The following RHOT1 variants were observed in gnomAD, a reference collection of about 807,000 sequenced individuals.
RHOT1 encodes mitochondrial Rho GTPase 1.
In RHOT1, 27 loss-of-function variants were observed where a neutral mutation model predicts 95.3. The observed-to-expected ratio is 0.28, with a 90% CI of 0.21 to 0.39. The LOEUF (loss-of-function observed/expected upper bound fraction) is 0.39. Among genes scored for constraint, RHOT1 ranks in the 10% least tolerant of loss-of-function variants. RHOT1 has a pLI of 1.00. For missense variants in RHOT1, 578 were observed against 786.7 expected (o/e 0.73, Z 3.17); for synonymous variants, 227 against 263.5 (o/e 0.86, Z 1.34).
chr17:32,150,885 A>G (rs2032194614), intron 1 of RHOT1: 1 of 1,543,928 alleles, frequency 6.5e-7, no homozygotes, highest in Non-Finnish European at 8.9e-7. Flanking sequence ...AAGCATAAGC[A>G]CTGGGGGATG....
chr17:32,204,978 G>A (rs1348834683), intron 16 of RHOT1, among the ~76,000 whole-genome samples: 7 of 145,376 alleles, frequency 4.8e-5, no homozygotes, highest in East Asian at 4.0e-4. Flanking sequence ...GTGAGACTCC[G>A]TCTCAAAAAA....
At chr17:32,186,019 G>A (rs2036020276) in intron 8 of RHOT1, among the ~76,000 whole-genome samples, 1 of 152,086 alleles carries the variant, frequency 6.6e-6, no homozygotes, top group Admixed American at 6.6e-5. Flanking sequence ...AACACTCCTG[G>A]CCTGTTTTAA....
At chr17:32,178,308 C>T (rs956712972) in intron 6 of RHOT1, among the ~76,000 whole-genome samples, 1 of 151,856 alleles carries the variant, frequency 6.6e-6, no homozygotes, top group Non-Finnish European at 1.5e-5. Context: ...TCTCCTGCCT[C>T]GGCCTACCGA....
intron 16 of RHOT1, 142 bp from the exon 17 acceptor site, chr17:32,206,768 A>C (rs1030152531): frequency 1.7e-5 from 11 of 653,800 alleles, no homozygotes; most frequent in Middle Eastern, 4.3e-4. Flanking sequence ...TATACTTTCT[A>C]CTTTTAAAAC....
At chr17:32,186,618 G>T (rs113179235) in intron 8 of RHOT1, among the ~76,000 whole-genome samples, 5,190 of 152,004 alleles carry the variant, frequency 0.034, 296 homozygotes, top group African/African-American at 0.12. Flanking sequence ...GCCCGCCTCG[G>T]CCCCCCAAAG....
intron 8 of RHOT1, among the ~76,000 whole-genome samples, chr17:32,189,304 G>GA (rs1465988731): frequency 6.6e-5 from 10 of 151,790 alleles, no homozygotes; most frequent in Admixed American, 2.0e-4. Context: ...CCCACCTCAA[G>GA]AAAAAAACAA....
At chr17:32,143,459 G>T (rs1374209981) in intron 1 of RHOT1, among the ~76,000 whole-genome samples, 1 of 152,136 alleles carries the variant, frequency 6.6e-6, no homozygotes, top group Non-Finnish European at 1.5e-5. Context: ...TCTGGGGAGG[G>T]TCCAATTGTT....
At position 32,173,891 on chromosome 17, in the gene RHOT1, A is replaced by G; in HGVS notation, c.157A>G (p.Thr53Ala). The G allele has an allele frequency of 6.2e-7, 1 of 1,610,682 alleles. No homozygotes were observed. The change falls in exon 3 of 20, where the codon ACA (threonine) becomes GCA (alanine). Residue 53 changes from threonine (T) to alanine (A), a missense_variant. By Grantham distance (58) the Thr-to-Ala change is moderately conservative. Coordinates refer to ENST00000545287, the MANE Select transcript of RHOT1 (RefSeq NM_001033566.3). Reference protein sequence around the residue: ...PADVTPERVPTHIVDYSEAEQ... With the variant: ...PADVTPERVPAHIVDYSEAEQ... The stretch of plus-strand genomic sequence containing the variant: ...TGATGTCACCCCAGAGAGAGTTCCA[A>G]CACACATTGTAGATTACTCAGGTAA...
At chr17:32,217,927 A>G (rs1465284576) in intron 19 of RHOT1, among the ~76,000 whole-genome samples, 1 of 151,532 alleles carries the variant, frequency 6.6e-6, no homozygotes, top group Non-Finnish European at 1.5e-5. Context: ...CAGTGGCCCT[A>G]TCTCAGCTCA....
chr17:32,173,878 A>G lies in RHOT1; in HGVS notation c.144A>G (p.Pro48=), dbSNP rs768187258. Residue 48 remains proline (P), a synonymous_variant, in exon 3 of 20, where the codon CCA becomes CCG. Transcript: ENST00000545287. ...TCACCATTCCAGCTGATGTCACCCC[A>G]GAGAGAGTTCCAACACACATTGTAG... The part of the protein sequence containing the change: ...EEITIPADVT[P]ERVPTHIVDY... 13 of 1,612,314 alleles carry G rather than the reference A, an allele frequency of 8.1e-6. No homozygotes were observed. Among genetic ancestry groups the G allele is most frequent in the South Asian group, 1.1e-5 (1 of 90,964 alleles).
chr17:32,180,347 T>C (rs1487513431), intron 6 of RHOT1, among the ~76,000 whole-genome samples: 4 of 152,186 alleles, frequency 2.6e-5, no homozygotes, highest in African/African-American at 9.7e-5. Flanking sequence ...TGTTAATCTA[T>C]AACCTTACCC....
intron 6 of RHOT1, chr17:32,178,815 TGAG>T (rs972041717): frequency 7.1e-6 from 1 of 140,646 alleles, no homozygotes; most frequent in African/African-American, 2.9e-5. Context: ...GTCTAGGAAG[TGAG>T]GAGCATCTCT....
intron 1 of RHOT1, among the ~76,000 whole-genome samples, chr17:32,146,600 C>A (rs1338655651): frequency 6.7e-6 from 1 of 149,972 alleles, no homozygotes; most frequent in East Asian, 2.0e-4. Context: ...TGCCCACCAC[C>A]ACGCCCGGCT....
At chr17:32,188,498 T>C (rs2036225415) in intron 8 of RHOT1, among the ~76,000 whole-genome samples, 1 of 152,234 alleles carries the variant, frequency 6.6e-6, no homozygotes, top group African/African-American at 2.4e-5. Context: ...TGGCAGTATA[T>C]ATTTGTGCAA....
intron 1 of RHOT1, among the ~76,000 whole-genome samples, chr17:32,161,080 T>C (rs892260177): frequency 1.3e-5 from 2 of 152,196 alleles, no homozygotes; most frequent in Non-Finnish European, 2.9e-5. Context: ...GACCACAGTA[T>C]TGTAGTAAAG....
At chr17:32,146,528 C>G (rs952837189) in intron 1 of RHOT1, among the ~76,000 whole-genome samples, 1 of 151,222 alleles carries the variant, frequency 6.6e-6, no homozygotes, top group African/African-American at 2.4e-5. Context: ...TCACTGCAAG[C>G]TCCACCTCCC....
At chr17:32,145,236 G>A (rs2031126505) in intron 1 of RHOT1, among the ~76,000 whole-genome samples, 1 of 152,082 alleles carries the variant, frequency 6.6e-6, no homozygotes, top group Admixed American at 6.6e-5. Flanking sequence ...GGAGATGGAG[G>A]TCGCAGTGAG....
intron 8 of RHOT1, among the ~76,000 whole-genome samples, chr17:32,183,753 C>T (rs1354284061): frequency 2.0e-5 from 3 of 152,172 alleles, no homozygotes; most frequent in Non-Finnish European, 2.9e-5. Flanking sequence ...ATCTCGATCT[C>T]GGCTGACTGC....
chr17:32,218,332 T>G lies in RHOT1; in HGVS notation c.1863-6284T>G, dbSNP rs2038611768. Among the ~76,000 whole-genome samples the G allele has an allele frequency of 2.0e-5, 3 of 151,452 alleles. No homozygotes were observed. The South Asian group carries it at 6.3e-4, about 32-fold the overall frequency. Reference sequence around the variant, plus strand: ...AGTGAGAGCCTGTCTCTACAAAAAATTTAAAAAAATAAAAAAATTTTAAAA... The same window carrying G: ...AGTGAGAGCCTGTCTCTACAAAAAAGTTAAAAAAATAAAAAAATTTTAAAA... On this transcript the variant is annotated intron_variant, in intron 19 of 19. Transcript: ENST00000545287.
Sources: allele counts gnomAD v4.1 joint callset (sites outside exome capture counted in the v4.1 genomes callset), GRCh38; gene constraint gnomAD v4.1.1; transcripts MANE v1.5; gene names NCBI Gene and HGNC (gene_info 2026-07-23, HGNC 2026-07-21).